PHACTR1: variants seen among roughly 807,000 people sequenced by gnomAD.
PHACTR1 encodes the protein RPEL repeat containing 1.
PHACTR1 carries 16 observed loss-of-function variants against 69.2 expected under a neutral mutation model. That is an observed-to-expected ratio of 0.23 (90% CI 0.16 to 0.35). The LOEUF (loss-of-function observed/expected upper bound fraction) is 0.35. Among genes scored for constraint, PHACTR1 ranks in the 10% least tolerant of loss-of-function variants. PHACTR1 has a pLI of 1.00. For synonymous variants in PHACTR1, 312 were observed against 284.5 expected (o/e 1.10, Z -0.97); for missense variants, 510 against 734.7 (o/e 0.69, Z 3.54).
In PHACTR1 at chr6:13,195,752, C is replaced by A. The variant is rs567732937; in HGVS notation, c.665-10063C>A. Among the ~76,000 whole-genome samples the A allele has an allele frequency of 4.6e-3, 72 of 15,782 alleles. 1 individual carries two copies. Among genetic ancestry groups the A allele is most frequent in the African/African-American group, 0.023 (71 of 3,094 alleles). The allele number at this position is 15,782 out of a possible 152,430, so 10.4% of individuals were successfully genotyped here. On this transcript the variant is annotated intron_variant, in intron 7 of 14. Transcript: ENST00000332995. The stretch of plus-strand genomic sequence containing the variant: ...CAGCCTGGGCGACAGAGAGAGACAC[C>A]GTCTCAAAAAAAAAAAAAAAAAAAA...
At position 13,179,749 on chromosome 6, in the gene PHACTR1, CA is replaced by C. The variant is rs1761948881; in HGVS notation, c.497-2769del. ...ATAGATAGATAGATAGATAGATAGA[CA>C]GAACAAGGTTATCAATATTAATGTT... is the stretch of plus-strand genomic sequence containing the variant. On this transcript the variant is annotated intron_variant, in intron 6 of 14. Coordinates refer to ENST00000332995, the MANE Select transcript of PHACTR1 (RefSeq NM_030948.6). The surrounding 1 kb of genome is among the most constrained non-coding windows in gnomAD (Gnocchi z 4.2). 7.5e-6 allele frequency among the ~76,000 whole-genome samples: 1 copy of C among 133,076 alleles called. No individual in the cohort carries two copies. The highest frequency in any genetic ancestry group is 3.5e-5 in the African/African-American group (1 of 28,628). The allele number at this position is 133,076 out of a possible 152,430, so 87.3% of individuals were successfully genotyped here.
At chr6:13,282,044 G>A (rs1780390250) in intron 12 of PHACTR1, among the ~76,000 whole-genome samples, 1 of 152,238 alleles carries the variant, frequency 6.6e-6, no homozygotes, top group Non-Finnish European at 1.5e-5. Flanking sequence ...CTCTAATTGT[G>A]CTCTGCCAGC....
chr6:13,171,919 C>T (rs1760680395), intron 6 of PHACTR1, among the ~76,000 whole-genome samples: 1 of 152,046 alleles, frequency 6.6e-6, no homozygotes, highest in Non-Finnish European at 1.5e-5. Context: ...GCATGCGCCA[C>T]CATGCCCGGC....
rs376244968 is a variant in PHACTR1, at chr6:12,870,119, T to TG, written c.250+120331dup. 3.5e-3 allele frequency among the ~76,000 whole-genome samples: 500 copies of TG among 144,070 alleles called. 2 individuals carry two copies. Among genetic ancestry groups the TG allele is most frequent in the African/African-American group, 0.012 (460 of 37,738 alleles). 94.5% of individuals were successfully genotyped at this position (144,070 alleles called of 152,430 possible). On this transcript the variant is annotated intron_variant, in intron 4 of 14. Transcript: ENST00000332995. ...TGATCACTGTGGATGAATAAGGACATGGAAAAAAAAAAAAAACTCCAATGC... is the reference window on the plus strand; with the variant it reads ...TGATCACTGTGGATGAATAAGGACATGGGAAAAAAAAAAAAAACTCCAATGC...
intron 10 of PHACTR1, among the ~76,000 whole-genome samples, chr6:13,241,010 G>A (rs1584175347): frequency 6.6e-6 from 1 of 152,114 alleles, no homozygotes; most frequent in Non-Finnish European, 1.5e-5. Flanking sequence ...TAAATCCAGG[G>A]TTTTCCTATT....
chr6:12,976,657 G>C (rs1020563620), intron 4 of PHACTR1, among the ~76,000 whole-genome samples: 1 of 152,114 alleles, frequency 6.6e-6, no homozygotes, highest in East Asian at 1.9e-4. Flanking sequence ...ATTTCACTCC[G>C]TTCTGATATT....
chr6:13,088,551 T>C (rs1812690088), intron 5 of PHACTR1, among the ~76,000 whole-genome samples: 1 of 152,244 alleles, frequency 6.6e-6, no homozygotes, highest in Non-Finnish European at 1.5e-5. Flanking sequence ...TCAGGCATTT[T>C]CTTTTGGCCA....
intron 5 of PHACTR1, among the ~76,000 whole-genome samples, chr6:13,058,196 C>T (rs1807095032): frequency 6.6e-6 from 1 of 152,144 alleles, no homozygotes. Flanking sequence ...GGCAGTGCCT[C>T]CCCAAATAGT....
intron 8 of PHACTR1, among the ~76,000 whole-genome samples, chr6:13,212,688 C>G (rs992927802): frequency 4.6e-5 from 7 of 152,156 alleles, no homozygotes; most frequent in African/African-American, 1.4e-4. Context: ...CTCCCTCACA[C>G]AGCGGCCTTC....
intron 6 of PHACTR1, among the ~76,000 whole-genome samples, chr6:13,173,032 G>T (rs1165154744): frequency 2.0e-5 from 3 of 152,194 alleles, no homozygotes; most frequent in Non-Finnish European, 2.9e-5. Flanking sequence ...CTGACTTGTA[G>T]ATTCTGAAAA....
At chr6:13,024,361 T>C (rs143564260) in intron 4 of PHACTR1, among the ~76,000 whole-genome samples, 4 of 152,296 alleles carry the variant, frequency 2.6e-5, no homozygotes, top group Admixed American at 1.3e-4. Context: ...GTGGAAACTA[T>C]AGATTGTGTT....
At chr6:13,188,868 T>C (rs775363213) in intron 7 of PHACTR1, among the ~76,000 whole-genome samples, 2 of 152,220 alleles carry the variant, frequency 1.3e-5, no homozygotes, top group Non-Finnish European at 2.9e-5. Flanking sequence ...AGAAGTACAG[T>C]GTCCGACAGA....
chr6:13,170,827 C>T (rs1262782941), intron 6 of PHACTR1, among the ~76,000 whole-genome samples: 1 of 152,176 alleles, frequency 6.6e-6, no homozygotes, highest in Non-Finnish European at 1.5e-5. Context: ...CCAGCAAGGC[C>T]ATGCTTTCAT....
intron 9 of PHACTR1, 86 bp downstream of exon 9, chr6:13,228,149 T>C: frequency 6.8e-7 from 1 of 1,481,148 alleles, no homozygotes; most frequent in South Asian, 1.3e-5. Flanking sequence ...AGCCCAGCAG[T>C]CTGGGTTCTA....
intron 4 of PHACTR1, among the ~76,000 whole-genome samples, chr6:12,949,766 G>C (rs916517034): frequency 6.6e-6 from 1 of 152,042 alleles, no homozygotes; most frequent in African/African-American, 2.4e-5. Context: ...AGCTTCTGTG[G>C]TTTGAAAAAA....
At chr6:12,737,921 A>G (rs1764515745) in intron 3 of PHACTR1, among the ~76,000 whole-genome samples, 1 of 152,122 alleles carries the variant, frequency 6.6e-6, no homozygotes. Flanking sequence ...TTCCATAACC[A>G]CAGCGCATCT....
chr6:12,921,842 A>AGCGGGAGGGAGGGAGGGACGGAGGGAGG (rs1787754644), intron 4 of PHACTR1, among the ~76,000 whole-genome samples: 1 of 109,838 alleles, frequency 9.1e-6, no homozygotes, highest in Admixed American at 9.5e-5. Flanking sequence ...AGGGAGGGAG[A>AGCGGGAGGGAGGGAGGGACGGAGGGAGG]GAGGGAGGCA....
intron 8 of PHACTR1, among the ~76,000 whole-genome samples, chr6:13,225,597 CTCT>C (rs1562024526): frequency 2.0e-5 from 3 of 152,174 alleles, no homozygotes; most frequent in Non-Finnish European, 4.4e-5. Context: ...GCATTTTTCT[CTCT>C]TCTTTATCTT....
chr6:12,863,772 G>C (rs1385709165), intron 4 of PHACTR1, among the ~76,000 whole-genome samples: 1 of 152,160 alleles, frequency 6.6e-6, no homozygotes, highest in Non-Finnish European at 1.5e-5. Context: ...TTGTTATGTT[G>C]CCCAGCATTT....
Sources: gnomAD v4.1 joint callset for allele counts (sites outside exome capture counted in the v4.1 genomes callset) on GRCh38, gnomAD v4.1.1 for gene constraint, Gnocchi (gnomAD v3.1) non-coding constraint, MANE v1.5 for transcripts, NCBI Gene and HGNC (gene_info 2026-07-23, HGNC 2026-07-21) for gene names.